The following ZNF804A variants were observed in gnomAD, a reference collection of about 807,000 sequenced individuals.
The protein encoded by ZNF804A is zinc finger protein 804A.
A neutral mutation model predicts 16.5 loss-of-function variants in ZNF804A; 2 were observed. The ratio of observed to expected loss-of-function variants is 0.12; its 90% CI spans 0.05 to 0.38. The LOEUF (loss-of-function observed/expected upper bound fraction) is 0.38, where lower values mean the gene tolerates loss of function less well. ZNF804A is among the 10% of genes least tolerant of loss of function. The pLI, the probability that ZNF804A is intolerant of heterozygous loss-of-function variation, is 0.99. For synonymous variants in ZNF804A, 534 were observed against 489.6 expected (o/e 1.09, Z -1.20); for missense variants, 1,473 against 1,390.7 (o/e 1.06, Z -0.94).
At chr2:184,840,725 A>G (rs1416786118) in intron 1 of ZNF804A, among the ~76,000 whole-genome samples, 2 of 152,152 alleles carry the variant, frequency 1.3e-5, no homozygotes, top group Non-Finnish European at 2.9e-5. Flanking sequence ...ACAAAACTAA[A>G]GGAAAATTTA....
At chr2:184,639,509 G>A (rs1691758629) in intron 1 of ZNF804A, among the ~76,000 whole-genome samples, 1 of 151,950 alleles carries the variant, frequency 6.6e-6, no homozygotes, top group Admixed American at 6.6e-5. Flanking sequence ...ATTTGATATT[G>A]ATGTTCTTCA....
chr2:184,816,808 T>C (rs1433029579), intron 1 of ZNF804A, among the ~76,000 whole-genome samples: 1 of 151,948 alleles, frequency 6.6e-6, no homozygotes, highest in East Asian at 1.9e-4. Context: ...TCTACTCAGA[T>C]GAGGGACAGC....
chr2:184,921,472 G>T (rs1054271552), intron 2 of ZNF804A, among the ~76,000 whole-genome samples: 1 of 151,928 alleles, frequency 6.6e-6, no homozygotes, highest in Non-Finnish European at 1.5e-5. Context: ...TTTACATTTT[G>T]TTTATTTTTT....
Position 184,937,936 on chromosome 2 carries a change from G to A in ZNF804A, c.2540G>A (p.Arg847Lys), listed in dbSNP as rs1168966415. 6.2e-7 allele frequency: 1 copy of A among 1,613,882 alleles called. No individual in the cohort carries two copies. Residue 847 changes from arginine to lysine, a missense_variant, in exon 4 of 4, where the codon AGG becomes AAG. Coordinates refer to ENST00000302277, the MANE Select transcript of ZNF804A (RefSeq NM_194250.2). ...AATTCTTCCTTAAATCCTCTGGATA[G>A]GTTAATAAGTGAAGACAAAAAAGAG... ...KDNSSLNPLD[R>K]LISEDKKEKM...
chr2:184,606,475 C>A (rs564172142), intron 1 of ZNF804A, among the ~76,000 whole-genome samples: 32 of 152,258 alleles, frequency 2.1e-4, no homozygotes, highest in African/African-American at 6.7e-4. Flanking sequence ...CTGGGGATTA[C>A]AATTCAAGAT....
chr2:184,724,573 AT>A (rs1693373899), intron 1 of ZNF804A, among the ~76,000 whole-genome samples: 1 of 151,646 alleles, frequency 6.6e-6, no homozygotes, highest in Non-Finnish European at 1.5e-5. Context: ...CTACTGTATT[AT>A]TAGATCGAGG....
intron 1 of ZNF804A, among the ~76,000 whole-genome samples, chr2:184,776,520 T>G (rs1293328037): frequency 6.6e-6 from 1 of 151,386 alleles, no homozygotes; most frequent in Non-Finnish European, 1.5e-5. Context: ...AAGTTAGTAC[T>G]TCGGAATGTG....
rs58199746 is a variant in ZNF804A, at chr2:184,798,006, ATGTGTGTGTGTGTGTGTGTGTG to A, written c.112-68336_112-68315del. ...TGTATACAAAATTCATGGCTGATAT[ATGTGTGTGTGTGTGTGTGTGTG>A]TGTGTGTGTGTGTGTGTGTGTGTGT... On this transcript the variant is annotated intron_variant, in intron 1 of 3. Coordinates refer to ENST00000302277, the MANE Select transcript of ZNF804A (RefSeq NM_194250.2). Among the ~76,000 whole-genome samples the A allele has an allele frequency of 4.6e-3, 616 of 133,338 alleles. 4 individuals are homozygous for A. Among genetic ancestry groups the A allele is most frequent in the African/African-American group, 0.016 (582 of 35,552 alleles). 87.5% of individuals were successfully genotyped at this position (133,338 alleles called of 152,430 possible).
chr2:184,812,628 C>T (rs1259436079), intron 1 of ZNF804A, among the ~76,000 whole-genome samples: 2 of 152,022 alleles, frequency 1.3e-5, no homozygotes, highest in Non-Finnish European at 2.9e-5. Context: ...CTATAAGTAT[C>T]ATTTACAATA....
In ZNF804A at chr2:184,695,755, G is replaced by A. The variant is rs530940223; in HGVS notation, c.111+96685G>A. Reference sequence around the variant, plus strand: ...TTATAGCAGGTATTTAGGGCATCTTGTCACCAAAAGTGGATTTAGACTTGT... The same window carrying A: ...TTATAGCAGGTATTTAGGGCATCTTATCACCAAAAGTGGATTTAGACTTGT... On this transcript the variant is annotated intron_variant, in intron 1 of 3. Coordinates refer to ENST00000302277, the MANE Select transcript of ZNF804A (RefSeq NM_194250.2). 2.3e-3 allele frequency among the ~76,000 whole-genome samples: 348 copies of A among 152,096 alleles called. 1 individual carries two copies. Among genetic ancestry groups the A allele is most frequent in the African/African-American group, 8.1e-3 (336 of 41,512 alleles).
At chr2:184,749,801 T>C (rs1693849033) in intron 1 of ZNF804A, among the ~76,000 whole-genome samples, 1 of 151,274 alleles carries the variant, frequency 6.6e-6, no homozygotes. Context: ...TAAATAACAT[T>C]GCATTCAAGT....
At chr2:184,866,948 T>C (rs961399076) in intron 2 of ZNF804A, among the ~76,000 whole-genome samples, 13 of 151,390 alleles carry the variant, frequency 8.6e-5, no homozygotes, top group African/African-American at 2.9e-4. Flanking sequence ...TAGTTTTCCA[T>C]AGAAAGCATT....
intron 2 of ZNF804A, among the ~76,000 whole-genome samples, chr2:184,932,573 T>C (rs114022908): frequency 0.024 from 3,604 of 152,274 alleles, 164 homozygotes; most frequent in African/African-American, 0.081. Flanking sequence ...GTGGGAATTA[T>C]GGATGCTACA....
intron 1 of ZNF804A, among the ~76,000 whole-genome samples, chr2:184,798,724 T>C (rs1251878947): frequency 6.6e-6 from 1 of 152,208 alleles, no homozygotes; most frequent in African/African-American, 2.4e-5. Context: ...TCCTGAATTC[T>C]TTCTCAGATA....
chr2:184,838,819 G>T (rs970601419), intron 1 of ZNF804A, among the ~76,000 whole-genome samples: 1 of 151,978 alleles, frequency 6.6e-6, no homozygotes, highest in African/African-American at 2.4e-5. Context: ...TATCAGCCCG[G>T]CAGTGCTCTA....
At chr2:184,934,614 A>G (rs921093410) in intron 3 of ZNF804A, among the ~76,000 whole-genome samples, 2 of 152,124 alleles carry the variant, frequency 1.3e-5, no homozygotes, top group African/African-American at 4.8e-5. Flanking sequence ...TTTTTGTGGT[A>G]ATGAATAAAA....
intron 1 of ZNF804A, among the ~76,000 whole-genome samples, chr2:184,697,383 G>C (rs1213259667): frequency 6.6e-6 from 1 of 152,060 alleles, no homozygotes; most frequent in Non-Finnish European, 1.5e-5. Flanking sequence ...ACACTTAACA[G>C]AATCCAAATG....
At chr2:184,900,277 A>C (rs1273739350) in intron 2 of ZNF804A, among the ~76,000 whole-genome samples, 1 of 152,140 alleles carries the variant, frequency 6.6e-6, no homozygotes. Flanking sequence ...AATGTTTCAC[A>C]TTATGGGATA....
At chr2:184,701,668 C>T (rs182774770) in intron 1 of ZNF804A, among the ~76,000 whole-genome samples, 1 of 151,914 alleles carries the variant, frequency 6.6e-6, no homozygotes, top group East Asian at 1.9e-4. Context: ...TCTTAAAAAT[C>T]AGGTTCTTTT....
Sources: gnomAD v4.1 joint callset for allele counts (sites outside exome capture counted in the v4.1 genomes callset) on GRCh38, gnomAD v4.1.1 for gene constraint, MANE v1.5 for transcripts, NCBI Gene and HGNC (gene_info 2026-07-23, HGNC 2026-07-21) for gene names.